The following GSE1 variants were observed in gnomAD, a reference collection of about 807,000 sequenced individuals.
GSE1 encodes Gse1 coiled-coil protein.
Under a neutral mutation model 112.6 loss-of-function variants are expected in GSE1, and 32 were observed. The ratio of observed to expected loss-of-function variants is 0.28; its 90% CI spans 0.21 to 0.38. The LOEUF (loss-of-function observed/expected upper bound fraction) is 0.38. Among genes scored for constraint, GSE1 ranks in the 10% least tolerant of loss-of-function variants. The pLI is 1.00. For missense variants in GSE1, 2,348 were observed against 1,699.2 expected (o/e 1.38, Z -6.71); for synonymous variants, 1,115 against 735.6 (o/e 1.52, Z -8.35).
intron 2 of GSE1, among the ~76,000 whole-genome samples, chr16:85,636,743 G>A (rs569890886): frequency 2.6e-5 from 4 of 152,190 alleles, no homozygotes; most frequent in Non-Finnish European, 4.4e-5. Flanking sequence ...TGGTCCCGGC[G>A]GTCCCTGCTG....
intron 1 of GSE1, among the ~76,000 whole-genome samples, chr16:85,234,692 T>C (rs112970434): frequency 0.038 from 5,852 of 152,252 alleles, 375 homozygotes; most frequent in African/African-American, 0.13. Flanking sequence ...GGCCTCACAC[T>C]GCCCTTGACC....
At chr16:85,171,414 G>C (rs1368999869) in exon 1 of GSE1, 3 of 985,402 alleles carry the variant, frequency 3.0e-6, no homozygotes, top group Non-Finnish European at 3.6e-6. Flanking sequence ...CCGTGTACCC[G>C]CCTGCCCCTC....
At chr16:85,434,733 G>A (rs2049203972) in intron 2 of GSE1, among the ~76,000 whole-genome samples, 1 of 152,342 alleles carries the variant, frequency 6.6e-6, no homozygotes, top group Non-Finnish European at 1.5e-5. Flanking sequence ...CAGGAGAGTG[G>A]CTTGAACCCG....
intron 1 of GSE1, among the ~76,000 whole-genome samples, chr16:85,203,128 G>C (rs1334907643): frequency 6.6e-6 from 1 of 152,046 alleles, no homozygotes; most frequent in Non-Finnish European, 1.5e-5. Flanking sequence ...CCTCTCCTGT[G>C]GGGGTGCCTG....
At chr16:85,171,800 C>T (rs1332537883) in exon 1 of GSE1, 24 of 985,242 alleles carry the variant, frequency 2.4e-5, no homozygotes, top group Non-Finnish European at 2.8e-5. Context: ...GTGGCAGCAG[C>T]GACGAAGGTA....
intron 1 of GSE1, chr16:85,286,014 G>C (rs1454383770): frequency 6.6e-6 from 1 of 152,442 alleles, no homozygotes; most frequent in African/African-American, 2.4e-5. Flanking sequence ...AGAAAAGATG[G>C]AGGGGCTGGT....
At chr16:85,623,073 G>T (rs902183878) in intron 1 of GSE1, among the ~76,000 whole-genome samples, 3 of 152,084 alleles carry the variant, frequency 2.0e-5, no homozygotes, top group African/African-American at 4.8e-5. Context: ...TAGACTTTTC[G>T]GGAGAAACTG....
chr16:85,649,295 C>T (rs2051138561), intron 3 of GSE1, among the ~76,000 whole-genome samples: 1 of 152,174 alleles, frequency 6.6e-6, no homozygotes, highest in Non-Finnish European at 1.5e-5. Context: ...GCGGGGGTGG[C>T]AGTCCAGTTC....
chr16:85,341,904 C>T (rs1597439799), intron 1 of GSE1, among the ~76,000 whole-genome samples: 1 of 152,202 alleles, frequency 6.6e-6, no homozygotes. Context: ...TGCCTGCTAA[C>T]GAGCCAATGG....
chr16:85,300,993 C>T (rs1164691839), intron 1 of GSE1, among the ~76,000 whole-genome samples: 4 of 152,154 alleles, frequency 2.6e-5, no homozygotes, highest in Non-Finnish European at 1.5e-5. Flanking sequence ...CAGCATTCGG[C>T]CACAGGGTCC....
At chr16:85,643,444 C>G (rs924323249) in intron 2 of GSE1, among the ~76,000 whole-genome samples, 1 of 152,222 alleles carries the variant, frequency 6.6e-6, no homozygotes, top group African/African-American at 2.4e-5. Flanking sequence ...ATGGCCTGCC[C>G]TGCCCCAGAG....
At chr16:85,223,486 G>A (rs930965222) in intron 1 of GSE1, among the ~76,000 whole-genome samples, 11 of 150,966 alleles carry the variant, frequency 7.3e-5, no homozygotes, top group Non-Finnish European at 4.4e-5. Flanking sequence ...TCGTGCCACC[G>A]CACTCCAGCC....
At chr16:85,221,071 C>G (rs1291587004) in intron 1 of GSE1, among the ~76,000 whole-genome samples, 1 of 151,940 alleles carries the variant, frequency 6.6e-6, no homozygotes, top group African/African-American at 2.4e-5. Context: ...GCTGGGAAAA[C>G]CAGGCCCCCA....
rs940555031 is a variant in GSE1, at chr16:85,675,941, C to T, written c.*3402C>T. On this transcript the variant is annotated 3_prime_UTR_variant, in exon 16 of 16. Coordinates refer to ENST00000253458, the MANE Select transcript of GSE1 (RefSeq NM_014615.5). Reference sequence around the variant, plus strand: ...AACTCTGCCTTGACCTGAGGAAGACCATGCTAACTGGTGTTATTTTGTATG... The same window carrying T: ...AACTCTGCCTTGACCTGAGGAAGACTATGCTAACTGGTGTTATTTTGTATG... The T allele has an allele frequency of 1.3e-5, 2 of 152,614 alleles. No homozygotes were observed. The highest frequency in any genetic ancestry group is 3.8e-4 in the East Asian group (2 of 5,204). 9.5% of individuals were successfully genotyped at this position (152,614 alleles called of 1,614,324 possible). A position where few individuals can be genotyped will look rare whatever the true frequency, so the allele number is the denominator to read the frequency against.
chr16:85,197,150 G>T (rs2074942940), intron 1 of GSE1, among the ~76,000 whole-genome samples: 1 of 152,186 alleles, frequency 6.6e-6, no homozygotes, highest in Non-Finnish European at 1.5e-5. Context: ...GCCCCTCGGA[G>T]CTCGGAGCCT....
At chr16:85,492,495 G>A (rs1379524031) in intron 2 of GSE1, among the ~76,000 whole-genome samples, 2 of 152,176 alleles carry the variant, frequency 1.3e-5, no homozygotes, top group East Asian at 3.8e-4. Context: ...TGTTCTGAGG[G>A]CCTCACCCAC....
At chr16:85,266,756 G>T (rs922014581) in intron 1 of GSE1, among the ~76,000 whole-genome samples, 2 of 151,834 alleles carry the variant, frequency 1.3e-5, no homozygotes, top group Non-Finnish European at 2.9e-5. Flanking sequence ...GCTGGGAGGG[G>T]TGGGCAGAGA....
At chr16:85,478,706 C>A (rs1056076735) in intron 2 of GSE1, among the ~76,000 whole-genome samples, 2 of 151,332 alleles carry the variant, frequency 1.3e-5, no homozygotes, top group Non-Finnish European at 2.9e-5. Flanking sequence ...CTGGCTCTGT[C>A]GCCCAGGCTG....
chr16:85,244,095 C>T (rs1468896647), intron 1 of GSE1, among the ~76,000 whole-genome samples: 4 of 152,168 alleles, frequency 2.6e-5, no homozygotes. Flanking sequence ...CATTGCACTC[C>T]AGCTTGGGCA....
Sources: allele counts gnomAD v4.1 joint callset (sites outside exome capture counted in the v4.1 genomes callset), GRCh38; gene constraint gnomAD v4.1.1; transcripts MANE v1.5; gene names NCBI Gene and HGNC (gene_info 2026-07-23, HGNC 2026-07-21).